The following LLGL2 variants were observed in gnomAD, a reference collection of about 807,000 sequenced individuals.
The protein encoded by LLGL2 is LLGL2, scribble cell polarity complex component.
A neutral mutation model predicts 123.2 loss-of-function variants in LLGL2; 81 were observed. The ratio of observed to expected loss-of-function variants is 0.66; its 90% CI spans 0.55 to 0.79. The LOEUF (loss-of-function observed/expected upper bound fraction) is 0.79. Among genes scored for constraint, LLGL2 ranks in the 30% least tolerant of loss-of-function variants. The pLI is 0.00. For synonymous variants in LLGL2, 577 were observed against 594.1 expected (o/e 0.97, Z 0.42); for missense variants, 1,273 against 1,414.6 (o/e 0.90, Z 1.61).
At chr17:75,550,960 C>T (rs2054645560) in intron 2 of LLGL2, among the ~76,000 whole-genome samples, 1 of 152,112 alleles carries the variant, frequency 6.6e-6, no homozygotes, top group Non-Finnish European at 1.5e-5. Flanking sequence ...GTTCCCAAAT[C>T]CCAATCCCTT....
intron 1 of LLGL2, among the ~76,000 whole-genome samples, chr17:75,526,852 C>A (rs2053591525): frequency 6.6e-6 from 1 of 152,072 alleles, no homozygotes; most frequent in Non-Finnish European, 1.5e-5. Flanking sequence ...TGTGGCCCAG[C>A]CCGGGGGAAG....
chr17:75,542,072 C>G lies in LLGL2; in HGVS notation c.-30-1325C>G, dbSNP rs187608916. 3.7e-3 allele frequency among the ~76,000 whole-genome samples: 562 copies of G among 152,044 alleles called. 2 individuals are homozygous for G. The highest frequency in any genetic ancestry group is 5.3e-3 in the Non-Finnish European group (363 of 67,956). ...TCACCCTCCCAGCACAGCAAGCCCT[C>G]GGTTCCTCTGCCCGAAGACACCCCC... On this transcript the variant is annotated intron_variant, in intron 1 of 25. Coordinates refer to ENST00000392550, the MANE Select transcript of LLGL2 (RefSeq NM_001031803.2).
intron 3 of LLGL2, chr17:75,557,871 AG>A (rs1315135910): frequency 2.1e-6 from 1 of 470,050 alleles, no homozygotes; most frequent in Admixed American, 3.3e-5. Flanking sequence ...TCAGGGTGGC[AG>A]CCTGACAGTT....
rs374460517 is a variant in LLGL2 at position 75,558,582 on chromosome 17, C to G, written c.326C>G (p.Ser109Trp). The change falls in exon 5 of 26, where the codon TCG becomes TGG. Residue 109 changes from serine to tryptophan, a missense_variant. Physicochemically the swap from Ser to Trp is radical, Grantham distance 177 (BLOSUM62 -3). Coordinates refer to ENST00000392550, the MANE Select transcript of LLGL2 (RefSeq NM_001031803.2). The surrounding 1 kb of genome is among the most constrained non-coding windows in gnomAD (Gnocchi z 4.0). ...LWSLKVKGGA[S>W]ELQEDESFTL... is the part of the protein sequence containing the mutation. ...AGCCTGAAGGTCAAGGGCGGGGCAT[C>G]GGAGCTGCAGGAGGATGAGAGCTTC... 11 of 1,611,482 alleles carry G rather than the reference C, an allele frequency of 6.8e-6. No individual in the cohort carries two copies. Among genetic ancestry groups the G allele is most frequent in the Non-Finnish European group, 9.3e-6 (11 of 1,179,086 alleles).
upstream of LLGL2, among the ~76,000 whole-genome samples, chr17:75,525,366 G>A (rs1161682584): frequency 1.3e-5 from 2 of 152,054 alleles, no homozygotes; most frequent in African/African-American, 2.4e-5. This position sits in a 1 kb window ranked among gnomAD's most constrained non-coding sequence, Gnocchi z 4.8. Context: ...TGGAGGGACG[G>A]CTCCCCTGGA....
intron 2 of LLGL2, among the ~76,000 whole-genome samples, chr17:75,553,729 G>A (rs2054780584): frequency 6.6e-6 from 1 of 152,130 alleles, no homozygotes; most frequent in South Asian, 2.1e-4. Flanking sequence ...TCAGATTGGG[G>A]TAACTGATTA....
intron 10 of LLGL2, chr17:75,568,045 G>A (rs1344535345): frequency 1.9e-6 from 2 of 1,054,746 alleles, no homozygotes; most frequent in Non-Finnish European, 2.3e-6. Context: ...GTGATTGTGT[G>A]CAGTAAAGAA....
chr17:75,539,099 C>G (rs1227842059), intron 1 of LLGL2, among the ~76,000 whole-genome samples: 2 of 151,918 alleles, frequency 1.3e-5, no homozygotes, highest in South Asian at 2.1e-4. Flanking sequence ...CGCTCTGTCA[C>G]CTAGGCTAGA....
intron 10 of LLGL2, among the ~76,000 whole-genome samples, chr17:75,567,357 G>A (rs746807968): frequency 2.0e-5 from 3 of 152,196 alleles, no homozygotes; most frequent in Admixed American, 6.5e-5. Context: ...CCAGCTACTC[G>A]AGAGGCTGAG....
chr17:75,530,663 A>AG (rs1365875385), intron 1 of LLGL2, among the ~76,000 whole-genome samples: 2 of 151,784 alleles, frequency 1.3e-5, no homozygotes, highest in East Asian at 1.9e-4. Context: ...AAAAAAAAAA[A>AG]AAATTAGCTG....
chr17:75,563,296 G>T (rs200883350), intron 7 of LLGL2, 35 bp from the exon 8 acceptor site: 2 of 1,608,590 alleles, frequency 1.2e-6, no homozygotes, highest in South Asian at 1.1e-5. Context: ...TCGGTCCAGC[G>T]TGCTGCCCTC....
chr17:75,546,932 G>T (rs1198207270), intron 2 of LLGL2, among the ~76,000 whole-genome samples: 1 of 151,726 alleles, frequency 6.6e-6, no homozygotes, highest in Admixed American at 6.6e-5. Flanking sequence ...GTGTAGGCGA[G>T]GGTCAGGCCC....
chr17:75,571,770 G>T lies in LLGL2; in HGVS notation c.2280G>T (p.Val760=). 6.2e-7 allele frequency: 1 copy of T among 1,607,604 alleles called. No homozygotes were observed. The highest frequency in any genetic ancestry group is 8.5e-7 in the Non-Finnish European group (1 of 1,179,816). The change falls in exon 18 of 26, where the codon GTG becomes GTT. Residue 760 remains valine (V), a synonymous_variant. Transcript: ENST00000392550. ...PPAERRMDEP[V]RAEQAKEIQL... ...CCGAGCGGAGAATGGATGAGCCTGT[G>T]CGGGCAGAGCAGGGTGAGTGCTGGG...
chr17:75,540,065 G>C (rs146377375), intron 1 of LLGL2, among the ~76,000 whole-genome samples: 1 of 152,168 alleles, frequency 6.6e-6, no homozygotes, highest in Non-Finnish European at 1.5e-5. Context: ...CTTTACAGAG[G>C]AGCTGTCTCT....
In LLGL2 at chr17:75,564,379, G is replaced by A; in HGVS notation, c.908G>A (p.Gly303Asp). ...TTGCCCTTCACCATCTTCCAGGGTGGCATGCCACGGGCCAGCTACGGGGAC... is the reference window on the plus strand; with the variant it reads ...TTGCCCTTCACCATCTTCCAGGGTGACATGCCACGGGCCAGCTACGGGGAC... ...QGLPFTIFQG[G>D]MPRASYGDRH... Residue 303 changes from glycine to aspartate, a missense_variant, in exon 10 of 26, where the codon GGC becomes GAC. Coordinates refer to ENST00000392550, the MANE Select transcript of LLGL2 (RefSeq NM_001031803.2). The surrounding 1 kb of genome is among the most constrained non-coding windows in gnomAD (Gnocchi z 4.9). The A allele has an allele frequency of 1.2e-6, 2 of 1,611,408 alleles. No individual in the cohort carries two copies. Among genetic ancestry groups the A allele is most frequent in the Non-Finnish European group, 1.7e-6 (2 of 1,179,610 alleles).
intron 1 of LLGL2, among the ~76,000 whole-genome samples, chr17:75,527,821 G>C (rs1414827964): frequency 6.6e-6 from 1 of 151,786 alleles, no homozygotes; most frequent in East Asian, 1.9e-4. Context: ...CTGTCACCCA[G>C]GCTGGAGTGC....
At chr17:75,530,786 G>A (rs1429840578) in intron 1 of LLGL2, among the ~76,000 whole-genome samples, 1 of 152,174 alleles carries the variant, frequency 6.6e-6, no homozygotes, top group Non-Finnish European at 1.5e-5. Context: ...ACTCCAGCCT[G>A]GGTGACAGAG....
At chr17:75,532,483 G>T (rs2053837849) in intron 1 of LLGL2, 1 of 152,200 alleles carries the variant, frequency 6.6e-6, no homozygotes, top group African/African-American at 2.4e-5. Context: ...CAGTGCAGTG[G>T]CATGATCTTG....
intron 2 of LLGL2, among the ~76,000 whole-genome samples, chr17:75,545,119 CT>C (rs1473764549): frequency 1.3e-5 from 2 of 152,102 alleles, no homozygotes; most frequent in African/African-American, 2.4e-5. Context: ...CCCCCTACCC[CT>C]GCCCCCTTGC....
Sources: gnomAD v4.1 joint callset for allele counts (sites outside exome capture counted in the v4.1 genomes callset) on GRCh38, gnomAD v4.1.1 for gene constraint, Gnocchi (gnomAD v3.1) non-coding constraint, MANE v1.5 for transcripts, NCBI Gene and HGNC (gene_info 2026-07-23, HGNC 2026-07-21) for gene names.